The following ITFG1 variants were observed in gnomAD, a reference collection of about 807,000 sequenced individuals.
ITFG1 encodes integrin alpha FG-GAP repeat containing 1.
Under a neutral mutation model 81.8 loss-of-function variants are expected in ITFG1, and 34 were observed. The ratio of observed to expected loss-of-function variants is 0.42; its 90% CI spans 0.32 to 0.55. The LOEUF is 0.55. Among genes scored for constraint, ITFG1 ranks in the 20% least tolerant of loss-of-function variants. The pLI is 0.17. For synonymous variants in ITFG1, 285 were observed against 270.6 expected, an observed-to-expected ratio of 1.05 and a Z score of -0.52; for missense variants, 672 against 755.4, an observed-to-expected ratio of 0.89 and a Z score of 1.29.
chr16:47,446,214 C>T (rs930096569), intron 5 of ITFG1, among the ~76,000 whole-genome samples: 12 of 152,136 alleles, frequency 7.9e-5, no homozygotes, highest in South Asian at 6.2e-4. Flanking sequence ...TGTACAATTC[C>T]GTGGTGTGCC....
chr16:47,162,290 G>A (rs557239779), intron 15 of ITFG1, among the ~76,000 whole-genome samples: 1 of 152,094 alleles, frequency 6.6e-6, no homozygotes, highest in South Asian at 2.1e-4. Flanking sequence ...GAAAAAGCAG[G>A]ATAGAGGGAT....
intron 8 of ITFG1, among the ~76,000 whole-genome samples, chr16:47,317,192 AAAACATATAAATACTTTATTG>A (rs1385022409): frequency 6.6e-6 from 1 of 152,202 alleles, no homozygotes; most frequent in Non-Finnish European, 1.5e-5. Flanking sequence ...ATTCTTCTCT[AAAACATATAAATACTTTATTG>A]AAATAGAATT....
intron 6 of ITFG1, among the ~76,000 whole-genome samples, chr16:47,399,135 T>C (rs1367077818): frequency 6.6e-6 from 1 of 152,222 alleles, no homozygotes; most frequent in East Asian, 1.9e-4. Context: ...TACTAATAGA[T>C]AATAAATTCA....
intron 6 of ITFG1, among the ~76,000 whole-genome samples, chr16:47,420,486 G>A (rs1036177999): frequency 1.3e-5 from 2 of 152,150 alleles, no homozygotes; most frequent in African/African-American, 4.8e-5. Flanking sequence ...AGTTTAGAAA[G>A]CACGTTGACA....
intron 10 of ITFG1, among the ~76,000 whole-genome samples, chr16:47,304,830 A>G (rs187014183): frequency 1.3e-5 from 2 of 152,270 alleles, no homozygotes; most frequent in Non-Finnish European, 2.9e-5. Context: ...GACTGCTACT[A>G]TTCCTTAGGA....
At chr16:47,325,251 A>C (rs931328445) in intron 8 of ITFG1, among the ~76,000 whole-genome samples, 1 of 152,272 alleles carries the variant, frequency 6.6e-6, no homozygotes, top group African/African-American at 2.4e-5. Flanking sequence ...ATGAAGGCAG[A>C]AATAAAGATG....
chr16:47,249,795 G>A (rs1441264483), intron 12 of ITFG1, among the ~76,000 whole-genome samples: 1 of 152,108 alleles, frequency 6.6e-6, no homozygotes, highest in Non-Finnish European at 1.5e-5. Flanking sequence ...TAAAAATTTG[G>A]CTTCTAGCAT....
At chr16:47,186,142 C>A (rs1356609877) in intron 14 of ITFG1, among the ~76,000 whole-genome samples, 3 of 151,924 alleles carry the variant, frequency 2.0e-5, no homozygotes, top group African/African-American at 7.3e-5. Flanking sequence ...AAAAAGAGTC[C>A]AGGACCAGAT....
At chr16:47,189,732 A>G (rs1477491429) in intron 14 of ITFG1, among the ~76,000 whole-genome samples, 1 of 152,152 alleles carries the variant, frequency 6.6e-6, no homozygotes, top group African/African-American at 2.4e-5. Context: ...TGGAATTTTG[A>G]GTCATATGCT....
At chr16:47,209,118 G>A (rs917707026) in intron 14 of ITFG1, among the ~76,000 whole-genome samples, 2 of 152,134 alleles carry the variant, frequency 1.3e-5, no homozygotes, top group Admixed American at 6.5e-5. Flanking sequence ...GAAATCTAAC[G>A]AAGTGGTTCC....
intron 3 of ITFG1, among the ~76,000 whole-genome samples, chr16:47,453,531 C>T (rs539474750): frequency 1.6e-4 from 24 of 152,320 alleles, no homozygotes; most frequent in Admixed American, 1.6e-3. Flanking sequence ...GAGGTAAAGG[C>T]TGTTTCTCTG....
intron 14 of ITFG1, among the ~76,000 whole-genome samples, chr16:47,181,895 G>C (rs1414340574): frequency 1.3e-5 from 2 of 152,100 alleles, no homozygotes; most frequent in Non-Finnish European, 2.9e-5. Context: ...CCAACCCTGT[G>C]CTCTCTGAAA....
chr16:47,347,080 G>A lies in ITFG1; in HGVS notation c.802+18708C>T, dbSNP rs1002286131. ...CGATTGGGGCGGTTCCAAGATGGCC[G>A]AATAGGAACAGCTGCAGTCTACAGC... On this transcript the variant is annotated intron_variant, in intron 8 of 17. Coordinates refer to ENST00000320640, the MANE Select transcript of ITFG1 (RefSeq NM_030790.5). Among the ~76,000 whole-genome samples, 22 of 152,208 alleles carry A rather than the reference G, an allele frequency of 1.4e-4. No individual in the cohort carries two copies. In the East Asian group the frequency reaches 3.3e-3, roughly 23 times the overall value.
intron 6 of ITFG1, among the ~76,000 whole-genome samples, chr16:47,376,198 C>CT (rs1026268782): frequency 6.6e-6 from 1 of 151,876 alleles, no homozygotes; most frequent in South Asian, 2.1e-4. Context: ...ATGTGTCGCA[C>CT]TTTTTTTAAA....
intron 13 of ITFG1, among the ~76,000 whole-genome samples, chr16:47,230,810 G>A (rs1333710850): frequency 6.6e-5 from 10 of 152,290 alleles, no homozygotes; most frequent in Middle Eastern, 3.4e-3. Flanking sequence ...GTGCAGTGGC[G>A]CGATCTCGGC....
intron 7 of ITFG1, among the ~76,000 whole-genome samples, chr16:47,375,484 T>G (rs1467025289): frequency 6.6e-6 from 1 of 152,206 alleles, no homozygotes; most frequent in Non-Finnish European, 1.5e-5. Flanking sequence ...GTTTGTTGTC[T>G]TATTTCTTTA....
chr16:47,410,410 G>A (rs1030573954), intron 6 of ITFG1, among the ~76,000 whole-genome samples: 2 of 152,052 alleles, frequency 1.3e-5, no homozygotes, highest in Admixed American at 6.6e-5. Context: ...TTCAGGAAAT[G>A]GTAATCAAAA....
Position 47,376,500 on chromosome 16 carries a change from G to GA in ITFG1, c.656-561dup, listed in dbSNP as rs565342295. Reference sequence around the variant, plus strand: ...ACAATAATTTTAATAAAATTTCTTTGAAAAAAAATAGGTTCACAGTCAAAT... The same window carrying GA: ...ACAATAATTTTAATAAAATTTCTTTGAAAAAAAAATAGGTTCACAGTCAAAT... On this transcript the variant is annotated intron_variant, in intron 6 of 17. Transcript: ENST00000320640. Among the ~76,000 whole-genome samples, 43 of 151,346 alleles carry GA rather than the reference G, an allele frequency of 2.8e-4. 1 individual carries two copies. In the East Asian group the frequency reaches 4.1e-3, roughly 14 times the overall value.
At chr16:47,340,942 C>T (rs1286897003) in intron 8 of ITFG1, among the ~76,000 whole-genome samples, 2 of 152,042 alleles carry the variant, frequency 1.3e-5, no homozygotes, top group Non-Finnish European at 2.9e-5. Flanking sequence ...GATATAACAA[C>T]TGTAATCATA....
Sources: allele counts gnomAD v4.1 joint callset (sites outside exome capture counted in the v4.1 genomes callset), GRCh38; gene constraint gnomAD v4.1.1; transcripts MANE v1.5; gene names NCBI Gene and HGNC (gene_info 2026-07-23, HGNC 2026-07-21).